The following STXBP6 variants were observed in gnomAD, a reference collection of about 807,000 sequenced individuals.
STXBP6 encodes the protein syntaxin binding protein 6.
Under a neutral mutation model 26.9 loss-of-function variants are expected in STXBP6, and 21 were observed. The observed-to-expected ratio is 0.78, with a 90% CI of 0.55 to 1.12. The LOEUF is 1.12. Among genes scored for constraint, STXBP6 ranks in the 50% most tolerant of loss-of-function variants. STXBP6 has a pLI of 0.00. For missense variants in STXBP6, 232 were observed against 257.9 expected (o/e 0.90, Z 0.69); for synonymous variants, 97 against 92.6 (o/e 1.05, Z -0.27).
chr14:24,878,405 T>C (rs2070226175), intron 2 of STXBP6, among the ~76,000 whole-genome samples: 1 of 152,098 alleles, frequency 6.6e-6, no homozygotes. Flanking sequence ...CATTCAACTT[T>C]ATTTTTTCCA....
chr14:24,958,868 A>G (rs1003728345), intron 2 of STXBP6, among the ~76,000 whole-genome samples: 2 of 152,214 alleles, frequency 1.3e-5, no homozygotes, highest in South Asian at 2.1e-4. Context: ...GTTCCAAGCA[A>G]GAGTCCTTAA....
intron 1 of STXBP6, among the ~76,000 whole-genome samples, chr14:25,007,452 T>G (rs1047971306): frequency 2.2e-4 from 33 of 152,290 alleles, no homozygotes; most frequent in African/African-American, 7.7e-4. Context: ...GTACAATCAG[T>G]CACCACAAGT....
rs529758618 is a variant in STXBP6, at chr14:24,879,486, C to G, written c.155-22329G>C. ...CCCTCCTCCCTGCTCCAGGCTGACT[C>G]TCAGTGTGGATCAATATTTCTTTTC... On this transcript the variant is annotated intron_variant, in intron 2 of 5. Transcript: ENST00000323944. Among the ~76,000 whole-genome samples, 10 of 152,276 alleles carry G rather than the reference C, an allele frequency of 6.6e-5. No individual in the cohort carries two copies. In the South Asian group the frequency reaches 2.1e-3, roughly 32 times the overall value.
intron 2 of STXBP6, among the ~76,000 whole-genome samples, chr14:24,920,307 A>AT (rs1378970717): frequency 1.6e-4 from 24 of 152,260 alleles, no homozygotes; most frequent in African/African-American, 4.8e-4. Flanking sequence ...ATTTTCTAAA[A>AT]TAACAAGACT....
chr14:24,947,921 T>C (rs1436389763), intron 2 of STXBP6, among the ~76,000 whole-genome samples: 1 of 152,212 alleles, frequency 6.6e-6, no homozygotes, highest in Non-Finnish European at 1.5e-5. Flanking sequence ...CACAGATTGA[T>C]TTCTGCCTTC....
At chr14:24,941,103 G>A (rs1213065052) in intron 2 of STXBP6, among the ~76,000 whole-genome samples, 1 of 152,112 alleles carries the variant, frequency 6.6e-6, no homozygotes, top group Non-Finnish European at 1.5e-5. Flanking sequence ...CCCAAGAGAT[G>A]AAAAATTCAT....
chr14:24,978,000 G>T (rs2074094362), intron 1 of STXBP6, among the ~76,000 whole-genome samples: 2 of 152,158 alleles, frequency 1.3e-5, no homozygotes, highest in African/African-American at 4.8e-5. Context: ...TTTATTCAGG[G>T]CAATGACACT....
chr14:24,927,737 C>T (rs9323571), intron 2 of STXBP6, among the ~76,000 whole-genome samples: 36,936 of 152,142 alleles, frequency 0.24, 4,726 homozygotes, highest in African/African-American at 0.33. Context: ...GAAATGTCAA[C>T]GATATATGTT....
At chr14:24,966,800 A>C (rs2073748290) in intron 2 of STXBP6, among the ~76,000 whole-genome samples, 1 of 152,200 alleles carries the variant, frequency 6.6e-6, no homozygotes, top group Non-Finnish European at 1.5e-5. Context: ...CAGGGAGTTC[A>C]TTTGCTCTCT....
chr14:24,970,798 G>A (rs977108363), intron 2 of STXBP6, among the ~76,000 whole-genome samples: 7 of 152,158 alleles, frequency 4.6e-5, no homozygotes, highest in South Asian at 4.1e-4. Flanking sequence ...TACTAAAGCA[G>A]TCATATCATT....
chr14:25,037,306 T>C (rs2075572319), intron 1 of STXBP6, among the ~76,000 whole-genome samples: 1 of 152,216 alleles, frequency 6.6e-6, no homozygotes, highest in African/African-American at 2.4e-5. Flanking sequence ...CTTGTTTTTC[T>C]GGCTGCAACA....
chr14:24,998,479 T>C (rs2074665936), intron 1 of STXBP6, among the ~76,000 whole-genome samples: 1 of 152,150 alleles, frequency 6.6e-6, no homozygotes, highest in African/African-American at 2.4e-5. Flanking sequence ...GCTGGAGAAA[T>C]CTCAGATCAA....
chr14:24,946,755 T>C (rs1245077203), intron 2 of STXBP6, among the ~76,000 whole-genome samples: 1 of 152,212 alleles, frequency 6.6e-6, no homozygotes. Flanking sequence ...TAGATTATTT[T>C]TTAATGGGCG....
At chr14:24,878,933 A>T (rs980819539) in intron 2 of STXBP6, 4 of 276,772 alleles carry the variant, frequency 1.4e-5, no homozygotes, top group African/African-American at 8.8e-5. Context: ...CACTGTACCT[A>T]AAGTTCTCAT....
intron 2 of STXBP6, among the ~76,000 whole-genome samples, chr14:24,918,248 T>C (rs2071839334): frequency 6.6e-6 from 1 of 151,926 alleles, no homozygotes; most frequent in African/African-American, 2.4e-5. Context: ...TACATCTAAA[T>C]GGGTAAACTT....
At chr14:24,837,748 A>G (rs372487199) in intron 4 of STXBP6, among the ~76,000 whole-genome samples, 1 of 152,222 alleles carries the variant, frequency 6.6e-6, no homozygotes, top group African/African-American at 2.4e-5. Flanking sequence ...ACTACTATTA[A>G]TTAAAAGGGT....
intron 2 of STXBP6, among the ~76,000 whole-genome samples, chr14:24,857,939 G>A (rs978628077): frequency 1.3e-5 from 2 of 151,958 alleles, no homozygotes; most frequent in African/African-American, 4.8e-5. Flanking sequence ...GAGACTCAAG[G>A]GTAGGAAGTA....
At chr14:24,813,163 G>A (rs192634071) in intron 5 of STXBP6, among the ~76,000 whole-genome samples, 4 of 152,266 alleles carry the variant, frequency 2.6e-5, no homozygotes, top group East Asian at 1.9e-4. Context: ...AGCTTTTAGT[G>A]AGACAATCTA....
At chr14:24,966,863 C>G (rs961879283) in intron 2 of STXBP6, among the ~76,000 whole-genome samples, 3 of 152,190 alleles carry the variant, frequency 2.0e-5, no homozygotes, top group African/African-American at 7.2e-5. Flanking sequence ...AATTTCTTAA[C>G]ACCCCAGTTG....
Sources: gnomAD v4.1 joint callset for allele counts (sites outside exome capture counted in the v4.1 genomes callset) on GRCh38, gnomAD v4.1.1 for gene constraint, MANE v1.5 for transcripts, NCBI Gene and HGNC (gene_info 2026-07-23, HGNC 2026-07-21) for gene names.